Variants in BBS9 observed in about 807,000 individuals in gnomAD.
BBS9 encodes protein PTHB1.
Under a neutral mutation model 117.7 loss-of-function variants are expected in BBS9, and 89 were observed. The ratio of observed to expected loss-of-function variants is 0.76; its 90% CI spans 0.64 to 0.90. The LOEUF is 0.90. Among genes scored for constraint, BBS9 ranks in the 40% least tolerant of loss-of-function variants. The pLI, the probability that BBS9 is intolerant of heterozygous loss-of-function variation, is 0.00. For missense variants in BBS9, 982 were observed against 1,042.2 expected (o/e 0.94, Z 0.80); for synonymous variants, 379 against 370.9 (o/e 1.02, Z -0.25).
chr7:33,600,327 A>G (rs886357476), intron 21 of BBS9, among the ~76,000 whole-genome samples: 129 of 151,990 alleles, frequency 8.5e-4, no homozygotes, highest in African/African-American at 3.1e-3. Context: ...TTTTTCTACT[A>G]GTTCTTTTTA....
chr7:33,472,014 A>G (rs1474197817), intron 19 of BBS9, among the ~76,000 whole-genome samples: 2 of 152,134 alleles, frequency 1.3e-5, no homozygotes, highest in African/African-American at 2.4e-5. Flanking sequence ...CTTAGGGCAA[A>G]AAAAACCCCA....
chr7:33,611,766 ATAT>A (rs974973936), intron 21 of BBS9, among the ~76,000 whole-genome samples: 7 of 137,474 alleles, frequency 5.1e-5, no homozygotes, highest in Non-Finnish European at 9.3e-5. Context: ...ATATTATATA[ATAT>A]TATTATATAA....
chr7:33,193,718 G>A (rs1784528272), intron 5 of BBS9, among the ~76,000 whole-genome samples: 1 of 152,090 alleles, frequency 6.6e-6, no homozygotes, highest in Admixed American at 6.6e-5. Flanking sequence ...CTTACTGTAG[G>A]ATTTGGCTTC....
intron 6 of BBS9, among the ~76,000 whole-genome samples, chr7:33,257,904 T>C (rs557970655): frequency 6.6e-6 from 1 of 152,356 alleles, no homozygotes; most frequent in East Asian, 1.9e-4. Flanking sequence ...GAACTGTTAA[T>C]ATGAATGTCA....
chr7:33,150,128 A>G (rs1793073931), intron 2 of BBS9, among the ~76,000 whole-genome samples: 1 of 152,150 alleles, frequency 6.6e-6, no homozygotes, highest in South Asian at 2.1e-4. Flanking sequence ...TGTTATTGTA[A>G]TTTAAAACTT....
chr7:33,294,002 A>T (rs1227468254), intron 9 of BBS9, among the ~76,000 whole-genome samples: 1 of 152,144 alleles, frequency 6.6e-6, no homozygotes, highest in East Asian at 1.9e-4. Context: ...GGCATCTTAA[A>T]GACTTTTTCT....
intron 9 of BBS9, among the ~76,000 whole-genome samples, chr7:33,299,132 T>C (rs1051742816): frequency 6.6e-6 from 1 of 152,232 alleles, no homozygotes; most frequent in Admixed American, 6.5e-5. Flanking sequence ...CTAGCTATCA[T>C]GCTTCAGCAT....
intron 19 of BBS9, among the ~76,000 whole-genome samples, chr7:33,444,495 G>C (rs1836696444): frequency 6.6e-6 from 1 of 152,072 alleles, no homozygotes; most frequent in African/African-American, 2.4e-5. Context: ...GTACTGCTAA[G>C]GACTTTAATT....
chr7:33,632,402 G>T (rs73316326), intron 21 of BBS9, among the ~76,000 whole-genome samples: 120 of 152,274 alleles, frequency 7.9e-4, no homozygotes, highest in African/African-American at 2.8e-3. Context: ...TCTTCTGTTT[G>T]TACAATGAGC....
chr7:33,303,351 G>A (rs1311456748), intron 9 of BBS9, among the ~76,000 whole-genome samples: 1 of 152,162 alleles, frequency 6.6e-6, no homozygotes, highest in Non-Finnish European at 1.5e-5. Flanking sequence ...AGATCTTAGA[G>A]AAAAGTCAAT....
chr7:33,513,692 A>G (rs1047423638), intron 20 of BBS9, among the ~76,000 whole-genome samples: 6 of 152,214 alleles, frequency 3.9e-5, no homozygotes, highest in Non-Finnish European at 8.8e-5. Flanking sequence ...TTATAGTCAA[A>G]CCACCATAAA....
At chr7:33,350,102 T>G (rs2128664368) in intron 13 of BBS9, among the ~76,000 whole-genome samples, 1 of 152,360 alleles carries the variant, frequency 6.6e-6, no homozygotes, top group African/African-American at 2.4e-5. Flanking sequence ...ACCATTTATA[T>G]CCAAATTGTC....
downstream of BBS9, among the ~76,000 whole-genome samples, chr7:33,606,772 C>T (rs926059182): frequency 1.3e-5 from 2 of 152,122 alleles, no homozygotes; most frequent in South Asian, 2.1e-4. Context: ...GAGCCACATT[C>T]GAGGTCCTCT....
At chr7:33,631,037 G>A (rs1454400844) in intron 21 of BBS9, among the ~76,000 whole-genome samples, 2 of 152,200 alleles carry the variant, frequency 1.3e-5, no homozygotes, top group Non-Finnish European at 2.9e-5. Flanking sequence ...CAAAGCACAG[G>A]GGGTGATACA....
At chr7:33,178,153 T>C (rs1290738060) in intron 5 of BBS9, among the ~76,000 whole-genome samples, 1 of 152,150 alleles carries the variant, frequency 6.6e-6, no homozygotes, top group East Asian at 1.9e-4. Context: ...CAGGGTTGTG[T>C]GGGTCGTTTC....
intron 7 of BBS9, among the ~76,000 whole-genome samples, chr7:33,266,379 T>C (rs1798824666): frequency 6.6e-6 from 1 of 152,222 alleles, no homozygotes; most frequent in Non-Finnish European, 1.5e-5. Context: ...TAGCTTCCTG[T>C]GTTACTCACA....
intron 21 of BBS9, among the ~76,000 whole-genome samples, chr7:33,563,135 A>G (rs1356017667): frequency 6.6e-6 from 1 of 152,178 alleles, no homozygotes; most frequent in Non-Finnish European, 1.5e-5. Context: ...TACTGTCAAA[A>G]CAGTACTCCA....
chr7:33,632,573 C>T (rs780404556), intron 21 of BBS9, among the ~76,000 whole-genome samples: 3 of 152,122 alleles, frequency 2.0e-5, no homozygotes, highest in Non-Finnish European at 4.4e-5. Flanking sequence ...CTGGGTTCGC[C>T]GGATCCTGTG....
intron 5 of BBS9, among the ~76,000 whole-genome samples, chr7:33,225,418 T>C (rs1791064675): frequency 6.6e-6 from 1 of 152,104 alleles, no homozygotes; most frequent in African/African-American, 2.4e-5. Context: ...AGGCTGGTCT[T>C]GAACTCCTGG....
Sources: allele counts gnomAD v4.1 joint callset (sites outside exome capture counted in the v4.1 genomes callset), GRCh38; gene constraint gnomAD v4.1.1; transcripts MANE v1.5; gene names NCBI Gene and HGNC (gene_info 2026-07-23, HGNC 2026-07-21).